CSMD1: variants seen among roughly 807,000 people sequenced by gnomAD.
CSMD1 encodes the protein CUB and Sushi multiple domains 1, also known as CUB and sushi domain-containing protein 1.
In CSMD1, 213 loss-of-function variants were observed where a neutral mutation model predicts 417.5. The ratio of observed to expected loss-of-function variants is 0.51; its 90% CI spans 0.46 to 0.57. CSMD1 has a LOEUF of 0.57. Ranked by LOEUF, CSMD1 falls within the 20% of genes least tolerant of loss-of-function variation. The probability of loss-of-function intolerance (pLI) is 0.00; values close to 1 mark genes in which losing one functional copy is unlikely to be tolerated. For synonymous variants in CSMD1, 2,862 were observed against 1,736.8 expected (o/e 1.65, Z -16.11); for missense variants, 6,923 against 4,529.7 (o/e 1.53, Z -15.17).
chr8:4,817,858 G>C (rs1258636112), intron 1 of CSMD1, among the ~76,000 whole-genome samples: 1 of 152,274 alleles, frequency 6.6e-6, no homozygotes, highest in East Asian at 1.9e-4. Context: ...ATTGAAAATA[G>C]TTAATGATAT....
In CSMD1 at chr8:3,556,392, A is replaced by AATATATATAT. The variant is rs367650533; in HGVS notation, c.1344+18543_1344+18552dup. Among the ~76,000 whole-genome samples, 831 of 120,430 alleles carry AATATATATAT rather than the reference A, an allele frequency of 6.9e-3. 13 individuals are homozygous for AATATATATAT. The highest frequency in any genetic ancestry group is 0.018 in the African/African-American group (535 of 30,418). The allele number at this position is 120,430 out of a possible 152,430, so 79.0% of individuals were successfully genotyped here. On this transcript the variant is annotated intron_variant, in intron 10 of 69. Transcript: ENST00000635120. ...AAGATTTTTAAAATTTATAATAATT[A>AATATATATAT]ATATATATATATATATATATATTCA...
At chr8:4,861,885 G>A (rs567004000) in intron 1 of CSMD1, among the ~76,000 whole-genome samples, 1 of 152,198 alleles carries the variant, frequency 6.6e-6, no homozygotes, top group Non-Finnish European at 1.5e-5. Context: ...AAGAGAGACA[G>A]AGGGAGAACC....
intron 19 of CSMD1, among the ~76,000 whole-genome samples, chr8:3,368,850 A>G (rs933814048): frequency 5.3e-5 from 8 of 152,252 alleles, no homozygotes; most frequent in African/African-American, 1.9e-4. Flanking sequence ...GTATGATGAT[A>G]CTGGGTAAAC....
intron 2 of CSMD1, among the ~76,000 whole-genome samples, chr8:4,421,680 C>G (rs962403871): frequency 1.3e-5 from 2 of 152,000 alleles, no homozygotes; most frequent in South Asian, 2.1e-4. Context: ...TAAGACTCAG[C>G]TAAGCAGTGC....
chr8:4,196,041 C>T (rs1799321517), intron 3 of CSMD1, among the ~76,000 whole-genome samples: 1 of 152,100 alleles, frequency 6.6e-6, no homozygotes, highest in East Asian at 1.9e-4. Flanking sequence ...GAAACCTCGT[C>T]TCTACTGAAA....
At position 4,032,542 on chromosome 8, in the gene CSMD1, C is replaced by T. The variant is rs116540214; in HGVS notation, c.416-443G>A. On this transcript the variant is annotated intron_variant, in intron 3 of 69. Transcript: ENST00000635120. ...TACCCTATTTATTTTTATGCTTCCA[C>T]GACTGGTACAGTGTCTGTTACACAT... Among the ~76,000 whole-genome samples, 585 of 152,238 alleles carry T rather than the reference C, an allele frequency of 3.8e-3. 3 individuals are homozygous for T. The highest frequency in any genetic ancestry group is 0.014 in the African/African-American group (563 of 41,554).
chr8:4,773,939 A>C (rs967066196), intron 1 of CSMD1, among the ~76,000 whole-genome samples: 1 of 152,208 alleles, frequency 6.6e-6, no homozygotes, highest in Non-Finnish European at 1.5e-5. Context: ...CTCACGCCTG[A>C]AATCTCAGCA....
At chr8:4,485,240 A>G (rs1801316085) in intron 2 of CSMD1, among the ~76,000 whole-genome samples, 1 of 152,170 alleles carries the variant, frequency 6.6e-6, no homozygotes, top group Non-Finnish European at 1.5e-5. Flanking sequence ...TTGAGAAAAG[A>G]TGAAGCACCA....
chr8:4,773,903 A>G (rs1248107578), intron 1 of CSMD1, among the ~76,000 whole-genome samples: 4 of 152,220 alleles, frequency 2.6e-5, no homozygotes, highest in Admixed American at 2.6e-4. Context: ...TAACACAAAA[A>G]TCCTACTCTT....
intron 3 of CSMD1, among the ~76,000 whole-genome samples, chr8:4,356,019 G>C (rs1022072418): frequency 2.0e-5 from 3 of 152,082 alleles, no homozygotes; most frequent in Non-Finnish European, 2.9e-5. Flanking sequence ...GGTTACTTAA[G>C]TTACTGGTGT....
chr8:3,698,439 G>C (rs556777015), intron 7 of CSMD1, among the ~76,000 whole-genome samples: 1 of 152,220 alleles, frequency 6.6e-6, no homozygotes, highest in Admixed American at 6.5e-5. Context: ...TACTGTTAGA[G>C]GTTAATGGCG....
rs373548882 is a variant in CSMD1, at chr8:4,159,950, G to T, written c.416-127851C>A. Among the ~76,000 whole-genome samples the T allele has an allele frequency of 2.0e-5, 3 of 152,014 alleles. No homozygotes were observed. The South Asian group carries it at 6.2e-4, about 32-fold the overall frequency. Reference sequence around the variant, plus strand: ...TTCGGGCCTTGAGGGGAAAGGGTGGGAGGGGGTGAGGGATAAAAGACTACC... The same window carrying T: ...TTCGGGCCTTGAGGGGAAAGGGTGGTAGGGGGTGAGGGATAAAAGACTACC... On this transcript the variant is annotated intron_variant, in intron 3 of 69. Transcript: ENST00000635120.
chr8:4,336,614 T>A (rs1800188301), intron 3 of CSMD1, among the ~76,000 whole-genome samples: 1 of 152,180 alleles, frequency 6.6e-6, no homozygotes, highest in South Asian at 2.1e-4. Context: ...AGTGCATTTG[T>A]TGTGTTGCAC....
chr8:4,669,345 A>G (rs1456996368), intron 1 of CSMD1, among the ~76,000 whole-genome samples: 1 of 152,178 alleles, frequency 6.6e-6, no homozygotes, highest in Non-Finnish European at 1.5e-5. Context: ...CCAATTGGTA[A>G]TTCCTCCAAT....
At chr8:3,831,454 G>C (rs1034229112) in intron 5 of CSMD1, among the ~76,000 whole-genome samples, 3 of 152,132 alleles carry the variant, frequency 2.0e-5, no homozygotes, top group Non-Finnish European at 4.4e-5. Flanking sequence ...ACATCCAGGA[G>C]ATTCCTTATA....
intron 3 of CSMD1, among the ~76,000 whole-genome samples, chr8:4,279,788 A>C (rs1056905446): frequency 5.3e-5 from 8 of 152,204 alleles, no homozygotes; most frequent in African/African-American, 1.9e-4. Context: ...GGAGGAGGCC[A>C]GGAGTGTTGG....
chr8:3,658,434 G>T (rs1001964370), intron 7 of CSMD1, among the ~76,000 whole-genome samples: 2 of 144,764 alleles, frequency 1.4e-5, no homozygotes, highest in Non-Finnish European at 3.0e-5. Context: ...GTTTTAATGA[G>T]CAAGCACATA....
intron 3 of CSMD1, among the ~76,000 whole-genome samples, chr8:4,151,696 T>C (rs1232897303): frequency 1.3e-5 from 2 of 152,194 alleles, no homozygotes; most frequent in Non-Finnish European, 2.9e-5. Context: ...CCAACTGATT[T>C]CCTCAAGCTC....
chr8:3,230,179 G>A lies in CSMD1; in HGVS notation c.4206C>T (p.Arg1402=). The change falls in exon 27 of 70, where the codon CGC becomes CGT. Residue 1402 remains arginine, a synonymous_variant. Coordinates refer to ENST00000635120, the MANE Select transcript of CSMD1 (RefSeq NM_033225.6). ...NDPGMPQNGT[R]YGDSREAGDT... ...CTCCAGCCTCTCTGCTGTCTCCATA[G>A]CGGGTGCCATTTTGGGGCATACCTG... 1.9e-6 allele frequency: 3 copies of A among 1,612,488 alleles called. No homozygotes were observed. The highest frequency in any genetic ancestry group is 2.5e-6 in the Non-Finnish European group (3 of 1,179,230).
Sources: gnomAD v4.1 joint callset for allele counts (sites outside exome capture counted in the v4.1 genomes callset) on GRCh38, gnomAD v4.1.1 for gene constraint, MANE v1.5 for transcripts, NCBI Gene and HGNC (gene_info 2026-07-23, HGNC 2026-07-21) for gene names.